Variants in RXRA observed in about 807,000 individuals in gnomAD.
RXRA encodes retinoid X receptor alpha, also known as retinoic acid receptor RXR-alpha.
Under a neutral mutation model 44.5 loss-of-function variants are expected in RXRA, and 5 were observed. That is an observed-to-expected ratio of 0.11 (90% CI 0.06 to 0.24). The LOEUF is 0.24. RXRA is among the 10% of genes least tolerant of loss of function. RXRA has a pLI of 1.00. For missense variants in RXRA, 412 were observed against 646.5 expected (o/e 0.64, Z 3.93); for synonymous variants, 291 against 271.4 (o/e 1.07, Z -0.71).
chr9:134,396,440 G>A (rs531680226), intron 1 of RXRA, among the ~76,000 whole-genome samples: 1 of 152,180 alleles, frequency 6.6e-6, no homozygotes, highest in South Asian at 2.1e-4. Context: ...TTCCGGAGGT[G>A]GGGGCTGGAG....
intron 9 of RXRA, among the ~76,000 whole-genome samples, 164 bp downstream of exon 9, chr9:134,434,371 T>C (rs1193905240): frequency 6.6e-6 from 1 of 152,016 alleles, no homozygotes; most frequent in African/African-American, 2.4e-5. Context: ...TCCAGGCCAG[T>C]GGGCTGTGGC....
intron 1 of RXRA, among the ~76,000 whole-genome samples, chr9:134,400,955 G>A (rs1830949542): frequency 6.6e-6 from 1 of 152,222 alleles, no homozygotes; most frequent in South Asian, 2.1e-4. Context: ...CACTGCTGTG[G>A]CACCTGAGCA....
At chr9:134,411,504 G>C (rs1289373457) in intron 4 of RXRA, among the ~76,000 whole-genome samples, 1 of 152,222 alleles carries the variant, frequency 6.6e-6, no homozygotes, top group East Asian at 1.9e-4. Flanking sequence ...GGTGAGCCGT[G>C]GGGAGGTCTA....
At chr9:134,373,677 C>G (rs1370837994) in intron 1 of RXRA, among the ~76,000 whole-genome samples, 2 of 152,180 alleles carry the variant, frequency 1.3e-5, no homozygotes, top group Admixed American at 1.3e-4. Flanking sequence ...TGGGTTGTAG[C>G]TGGAGGGAGG....
intron 1 of RXRA, among the ~76,000 whole-genome samples, chr9:134,338,960 G>A (rs1248224113): frequency 2.6e-5 from 4 of 152,210 alleles, no homozygotes; most frequent in Non-Finnish European, 5.9e-5. Context: ...ACAAGGAGCC[G>A]ATTGTTGTCA....
chr9:134,435,528 AG>A (rs1341815350), intron 9 of RXRA, among the ~76,000 whole-genome samples: 1 of 152,094 alleles, frequency 6.6e-6, no homozygotes, highest in East Asian at 1.9e-4. Context: ...GCTATTTCTG[AG>A]GAAGGGGTGG....
At chr9:134,376,977 G>A (rs1282759573) in intron 1 of RXRA, among the ~76,000 whole-genome samples, 1 of 152,200 alleles carries the variant, frequency 6.6e-6, no homozygotes, top group Non-Finnish European at 1.5e-5. Flanking sequence ...GTGTGCGATT[G>A]TGTGCCCTGG....
In RXRA at chr9:134,436,647, C is replaced by A; in HGVS notation, c.*33C>A. ...GGCCCATCCTTTGTGCCCACCCGTT[C>A]TGGCCACCCTGCCTGGACGCCAGCT... On this transcript the variant is annotated 3_prime_UTR_variant, in exon 10 of 10. Transcript: ENST00000481739. 6.2e-7 allele frequency: 1 copy of A among 1,611,610 alleles called. No individual in the cohort carries two copies. Among genetic ancestry groups the A allele is most frequent in the Non-Finnish European group, 8.5e-7 (1 of 1,178,714 alleles).
intron 1 of RXRA, among the ~76,000 whole-genome samples, chr9:134,357,286 C>A (rs1027465618): frequency 1.3e-5 from 2 of 152,208 alleles, no homozygotes; most frequent in East Asian, 3.9e-4. Context: ...CCAGAGTTCG[C>A]TGCTGAGCGG....
At chr9:134,354,211 T>C (rs1422082727) in intron 1 of RXRA, among the ~76,000 whole-genome samples, 2 of 152,158 alleles carry the variant, frequency 1.3e-5, no homozygotes, top group African/African-American at 2.4e-5. Flanking sequence ...AGGAGGGCTG[T>C]GGGGCACTTC....
chr9:134,367,621 G>A (rs953393790), intron 1 of RXRA, among the ~76,000 whole-genome samples: 12 of 152,360 alleles, frequency 7.9e-5, no homozygotes, highest in South Asian at 4.1e-4. Context: ...GACCCTCGCC[G>A]GCTGGGGAGT....
At chr9:134,392,657 C>T (rs973246813) in intron 1 of RXRA, among the ~76,000 whole-genome samples, 7 of 152,178 alleles carry the variant, frequency 4.6e-5, no homozygotes, top group Non-Finnish European at 8.8e-5. Flanking sequence ...TGAATTCTCG[C>T]TTACCCTAGC....
intron 9 of RXRA, among the ~76,000 whole-genome samples, chr9:134,435,115 T>C (rs1831596110): frequency 6.6e-6 from 1 of 152,226 alleles, no homozygotes; most frequent in African/African-American, 2.4e-5. Context: ...CTCCAGCCTC[T>C]GCGCTGTTTT....
intron 1 of RXRA, among the ~76,000 whole-genome samples, chr9:134,338,799 G>A (rs1442604105): frequency 3.3e-5 from 5 of 152,206 alleles, no homozygotes; most frequent in Admixed American, 3.3e-4. Context: ...GAGACTGGGG[G>A]AGCGAGCAGG....
At chr9:134,361,897 G>A (rs974867418) in intron 1 of RXRA, among the ~76,000 whole-genome samples, 8 of 152,198 alleles carry the variant, frequency 5.3e-5, no homozygotes, top group Admixed American at 1.3e-4. Context: ...GTAGAATGGG[G>A]ACAGCAGTGT....
In RXRA at chr9:134,421,660, T is replaced by C. The variant is rs779701543; in HGVS notation, c.781-16T>C. The C allele has an allele frequency of 6.4e-7, 1 of 1,554,414 alleles. No individual in the cohort carries two copies. Among genetic ancestry groups the C allele is most frequent in the Non-Finnish European group, 8.7e-7 (1 of 1,145,678 alleles). ...CTTCTGGGACTGAATGTCCTGCTCT[T>C]CTTCCTCCACTGCAGCCGAACGACC... On this transcript the variant is annotated splice_polypyrimidine_tract_variant and intron_variant, in intron 5 of 9. Coordinates refer to ENST00000481739, the MANE Select transcript of RXRA (RefSeq NM_002957.6).
At chr9:134,335,355 G>A (rs1829984043) in intron 1 of RXRA, among the ~76,000 whole-genome samples, 1 of 152,206 alleles carries the variant, frequency 6.6e-6, no homozygotes, top group African/African-American at 2.4e-5. Flanking sequence ...GATGTAGTTG[G>A]GTTTTGAGGG....
intron 1 of RXRA, among the ~76,000 whole-genome samples, chr9:134,332,406 G>A (rs1835019270): frequency 6.6e-6 from 1 of 152,206 alleles, no homozygotes; most frequent in African/African-American, 2.4e-5. Flanking sequence ...TTCCCAGGGT[G>A]ACCTGGCAGA....
rs190429868 is a variant in RXRA at position 134,364,099 on chromosome 9, A to G, written c.28+37440A>G. On this transcript the variant is annotated intron_variant, in intron 1 of 9. Coordinates refer to ENST00000481739, the MANE Select transcript of RXRA (RefSeq NM_002957.6). Reference sequence around the variant, plus strand: ...CTCCCAGCTGCCCCTCCTTCAGCCCATGTTTCCAGACTCCTCCACAACCGT... The same window carrying G: ...CTCCCAGCTGCCCCTCCTTCAGCCCGTGTTTCCAGACTCCTCCACAACCGT... 2.6e-3 allele frequency among the ~76,000 whole-genome samples: 393 copies of G among 152,072 alleles called. 1 individual carries two copies. Among genetic ancestry groups the G allele is most frequent in the African/African-American group, 8.9e-3 (371 of 41,470 alleles).
Sources: gnomAD v4.1 joint callset for allele counts (sites outside exome capture counted in the v4.1 genomes callset) on GRCh38, gnomAD v4.1.1 for gene constraint, MANE v1.5 for transcripts, NCBI Gene and HGNC (gene_info 2026-07-23, HGNC 2026-07-21) for gene names.